Variants in ABCA5 observed in about 807,000 individuals in gnomAD.
The protein encoded by ABCA5 is cholesterol transporter ABCA5.
In ABCA5, 163 loss-of-function variants were observed where a neutral mutation model predicts 206.0. The observed-to-expected ratio is 0.79, with a 90% CI of 0.70 to 0.90. The LOEUF (loss-of-function observed/expected upper bound fraction) is 0.90. Among genes scored for constraint, ABCA5 ranks in the 40% least tolerant of loss-of-function variants. The pLI is 0.00. For synonymous variants in ABCA5, 609 were observed against 613.8 expected (o/e 0.99, Z 0.11); for missense variants, 1,859 against 1,912.9 (o/e 0.97, Z 0.53).
Position 69,261,644 on chromosome 17 carries a change from G to T in ABCA5, c.3420C>A (p.Ile1140=). Residue 1140 remains isoleucine, a synonymous_variant, in exon 25 of 39, where the codon ATC becomes ATA. Coordinates refer to ENST00000392676, the MANE Select transcript of ABCA5 (RefSeq NM_172232.4). ...GTAAAATGTGACTTACCACAGAATAGATAAATGACCAAAATTCTTTGGTAT... is the reference window on the plus strand; with the variant it reads ...GTAAAATGTGACTTACCACAGAATATATAAATGACCAAAATTCTTTGGTAT... ...ILNTKEFWSF[I]YSVAALACIA... The T allele has an allele frequency of 7.4e-7, 1 of 1,357,426 alleles. No individual in the cohort carries two copies. The highest frequency in any genetic ancestry group is 1.0e-6 in the Non-Finnish European group (1 of 988,038). The allele number at this position is 1,357,426 out of a possible 1,614,324, so 84.1% of individuals were successfully genotyped here.
intron 28 of ABCA5, among the ~76,000 whole-genome samples, chr17:69,258,274 A>G (rs2075105575): frequency 6.6e-6 from 1 of 152,100 alleles, no homozygotes; most frequent in African/African-American, 2.4e-5. Context: ...CCAACCTAAG[A>G]GTCCATCAAC....
In ABCA5 at chr17:69,252,979, TTAGATACATC is replaced by T. The variant is rs371323542; in HGVS notation, c.4415+584_4415+593del. Among the ~76,000 whole-genome samples the T allele has an allele frequency of 4.0e-3, 616 of 152,320 alleles. 10 individuals are homozygous for T. Among genetic ancestry groups the T allele is most frequent in the African/African-American group, 0.014 (562 of 41,574 alleles). On this transcript the variant is annotated intron_variant, in intron 34 of 38. Coordinates refer to ENST00000392676, the MANE Select transcript of ABCA5 (RefSeq NM_172232.4). ...CTTTTATAATGTATCTTTTCTGTGTTTAGATACATCTAGATACACAAATACCATTGTGTTA... is the reference window on the plus strand; with the variant it reads ...CTTTTATAATGTATCTTTTCTGTGTTTAGATACACAAATACCATTGTGTTA...
chr17:69,298,221 A>AAGGAAGGTAGGT (rs2075604119), intron 9 of ABCA5, among the ~76,000 whole-genome samples: 5 of 69,104 alleles, frequency 7.2e-5, no homozygotes, highest in East Asian at 8.0e-4. Context: ...GGAAGGAAGG[A>AAGGAAGGTAGGT]AGGTAGGTAG....
At chr17:69,305,142 TAGG>T (rs2145021602) in intron 6 of ABCA5, among the ~76,000 whole-genome samples, 1 of 152,310 alleles carries the variant, frequency 6.6e-6, no homozygotes, top group Non-Finnish European at 1.5e-5. Context: ...TCTTAAAATG[TAGG>T]AGTTTAATGA....
At chr17:69,252,102 C>A (rs952668886) in intron 34 of ABCA5, among the ~76,000 whole-genome samples, 2 of 151,782 alleles carry the variant, frequency 1.3e-5, no homozygotes, top group Admixed American at 1.3e-4. Flanking sequence ...AGCTCCACCT[C>A]CCAGGTTCAC....
intron 28 of ABCA5, 59 bp downstream of exon 28, chr17:69,259,647 G>A (rs921838027): frequency 4.3e-6 from 5 of 1,171,328 alleles, no homozygotes; most frequent in East Asian, 2.6e-5. Flanking sequence ...TTATGGTAAT[G>A]GTTACACAGT....
intron 9 of ABCA5, among the ~76,000 whole-genome samples, chr17:69,298,780 G>A (rs561511583): frequency 6.6e-6 from 1 of 152,120 alleles, no homozygotes; most frequent in Non-Finnish European, 1.5e-5. Context: ...AAGACTTCAT[G>A]ACCAAGAAGC....
chr17:69,270,519 A>G lies in ABCA5; in HGVS notation c.3030+94T>C, dbSNP rs562841559. On this transcript the variant is annotated intron_variant, in intron 22 of 38. Coordinates refer to ENST00000392676, the MANE Select transcript of ABCA5 (RefSeq NM_172232.4). ...AAGTCTAAGAGATCTCACAAGATAA[A>G]TTTCTACATATTTTGTTATTTTTGC... 151 of 1,179,684 alleles carry G rather than the reference A, an allele frequency of 1.3e-4. 1 individual carries two copies. The African/African-American group carries it at 2.2e-3, about 17-fold the overall frequency. 73.1% of individuals were successfully genotyped at this position (1,179,684 alleles called of 1,614,324 possible).
Position 69,309,397 on chromosome 17 carries a change from C to A in ABCA5, c.334G>T (p.Glu112Ter). ...AGACTGGATGTTAACATTTCTTTTT[C>A]ATTTGTATATTCTTCAGTAATTATG... ...DVIITEEYTNEKEMLTSSLSK... is the reference protein window; with the variant it reads ...DVIITEEYTN Residue 112 changes from glutamate (E) to a stop codon, truncating the protein, a stop_gained, in exon 4 of 39, where the codon GAA becomes TAA. Transcript: ENST00000392676. LOFTEE classifies it high-confidence loss of function. 6.3e-7 allele frequency: 1 copy of A among 1,584,924 alleles called. No individual in the cohort carries two copies.
chr17:69,319,644 TAAGA>T (rs763986900), intron 1 of ABCA5, among the ~76,000 whole-genome samples: 1 of 152,224 alleles, frequency 6.6e-6, no homozygotes, highest in African/African-American at 2.4e-5. Context: ...TGGCAACATT[TAAGA>T]AAGAAAGTTT....
chr17:69,302,648 T>C (rs1216053491), intron 8 of ABCA5, 70 bp downstream of exon 8: 3 of 1,109,470 alleles, frequency 2.7e-6, no homozygotes, highest in African/African-American at 1.6e-5. Context: ...GTAGTATTCA[T>C]GGTAGTATAA....
intron 19 of ABCA5, among the ~76,000 whole-genome samples, chr17:69,276,716 A>G (rs962154190): frequency 2.6e-5 from 4 of 152,148 alleles, no homozygotes; most frequent in African/African-American, 9.7e-5. Context: ...TAGGTTGATG[A>G]GTGTAGCAAA....
At chr17:69,251,953 ATTAAG>A (rs960167256) in intron 34 of ABCA5, 87 bp from the exon 35 acceptor site, 143 of 1,420,474 alleles carry the variant, frequency 1.0e-4, no homozygotes, top group South Asian at 1.5e-4. Flanking sequence ...CGGTTGGTTA[ATTAAG>A]TTAATTAAAA....
rs1033864130 is a variant in ABCA5 at position 69,247,267 on chromosome 17, G to C, written c.*270C>G. On this transcript the variant is annotated 3_prime_UTR_variant, in exon 39 of 39. Coordinates refer to ENST00000392676, the MANE Select transcript of ABCA5 (RefSeq NM_172232.4). ...ATTCCTTTAAATCACAAATTCAGAA[G>C]CACTGTTTCTGAATGGTGAAAAAGA... is the stretch of plus-strand genomic sequence containing the variant. 12 of 244,784 alleles carry C rather than the reference G, an allele frequency of 4.9e-5. No individual in the cohort carries two copies. Among genetic ancestry groups the C allele is most frequent in the Middle Eastern group, 1.2e-3 (1 of 828 alleles). 15.2% of individuals were successfully genotyped at this position (244,784 alleles called of 1,614,324 possible).
chr17:69,307,422 CTATT>C (rs1342973312), intron 5 of ABCA5, among the ~76,000 whole-genome samples: 1 of 151,976 alleles, frequency 6.6e-6, no homozygotes, highest in African/African-American at 2.4e-5. Flanking sequence ...AATAATAAAA[CTATT>C]TATGCCACAT....
intron 9 of ABCA5, among the ~76,000 whole-genome samples, chr17:69,298,198 G>A (rs927255832): frequency 2.2e-4 from 24 of 108,732 alleles, no homozygotes; most frequent in African/African-American, 7.9e-4. Flanking sequence ...AAAAGACACA[G>A]CAAAACCCTG....
intron 1 of ABCA5, among the ~76,000 whole-genome samples, chr17:69,323,225 G>C (rs775605686): frequency 6.6e-6 from 1 of 152,194 alleles, no homozygotes; most frequent in Non-Finnish European, 1.5e-5. Flanking sequence ...ACCGCTGACT[G>C]TGATAAAAGA....
Position 69,302,733 on chromosome 17 carries a change from C to A in ABCA5, c.1104G>T (p.Val368=). The change falls in exon 8 of 39, where the codon GTG becomes GTT. Residue 368 remains valine, a synonymous_variant. Transcript: ENST00000392676. ...TATTACCTACCTGTGCAATACCAAT[C>A]ACAAAAGTACAGTGACAGAAAGGAC... ...LFSPFCHCTF[V]IGIAQVMHLE... The A allele has an allele frequency of 6.4e-7, 1 of 1,563,824 alleles. No homozygotes were observed. Among genetic ancestry groups the A allele is most frequent in the Non-Finnish European group, 8.6e-7 (1 of 1,164,802 alleles).
At chr17:69,288,911 T>C (rs1455182852) in intron 14 of ABCA5, among the ~76,000 whole-genome samples, 1 of 152,034 alleles carries the variant, frequency 6.6e-6, no homozygotes, top group African/African-American at 2.4e-5. Context: ...AGGAGATGGG[T>C]GCACTAAAAC....
Sources: gnomAD v4.1 joint callset for allele counts (sites outside exome capture counted in the v4.1 genomes callset) on GRCh38, gnomAD v4.1.1 for gene constraint, MANE v1.5 for transcripts, NCBI Gene and HGNC (gene_info 2026-07-23, HGNC 2026-07-21) for gene names.